The following UBE2Q2 variants were observed in gnomAD, a reference collection of about 807,000 sequenced individuals.
UBE2Q2 encodes ubiquitin conjugating enzyme E2 Q2, also known as ubiquitin-conjugating enzyme E2 Q2.
In UBE2Q2, 54 loss-of-function variants were observed where a neutral mutation model predicts 59.9. The observed-to-expected ratio is 0.90, with a 90% CI of 0.72 to 1.13. The LOEUF is 1.13. Among genes scored for constraint, UBE2Q2 ranks in the 50% most tolerant of loss-of-function variants. The probability of loss-of-function intolerance (pLI) is 0.00; values close to 1 mark genes in which losing one functional copy is unlikely to be tolerated. For synonymous variants in UBE2Q2, 165 were observed against 155.2 expected (o/e 1.06, Z -0.47); for missense variants, 433 against 441.9 (o/e 0.98, Z 0.18).
At chr15:75,882,356 T>C (rs1314839638) in intron 8 of UBE2Q2, among the ~76,000 whole-genome samples, 3 of 152,186 alleles carry the variant, frequency 2.0e-5, no homozygotes, top group Admixed American at 6.5e-5. Context: ...GAGGAACTTT[T>C]TATTTCTGTA....
At chr15:75,876,292 G>A (rs777880734) in intron 6 of UBE2Q2, 21 bp downstream of exon 6, 2 of 1,586,328 alleles carry the variant, frequency 1.3e-6, no homozygotes, top group South Asian at 1.1e-5. Context: ...CTGGATCCCT[G>A]CTCTCTTTAT....
intron 9 of UBE2Q2, among the ~76,000 whole-genome samples, chr15:75,885,613 T>C (rs1162698955): frequency 1.3e-5 from 2 of 152,246 alleles, no homozygotes; most frequent in African/African-American, 2.4e-5. Flanking sequence ...GCTGTTCTTT[T>C]GGAAATCTGG....
intron 3 of UBE2Q2, among the ~76,000 whole-genome samples, 182 bp from the exon 4 acceptor site, chr15:75,868,769 A>C (rs1360025017): frequency 4.6e-5 from 7 of 152,220 alleles, no homozygotes; most frequent in Non-Finnish European, 8.8e-5. Flanking sequence ...CATTTTTAAA[A>C]GCTGATAACT....
chr15:75,847,492 G>T (rs1237858739), intron 1 of UBE2Q2, among the ~76,000 whole-genome samples: 1 of 152,154 alleles, frequency 6.6e-6, no homozygotes, highest in Non-Finnish European at 1.5e-5. Flanking sequence ...GAAGGGAAAA[G>T]AGTGCTCTTT....
chr15:75,897,318 C>T (rs924144893), intron 12 of UBE2Q2, among the ~76,000 whole-genome samples: 5 of 151,892 alleles, frequency 3.3e-5, no homozygotes, highest in African/African-American at 1.2e-4. Context: ...AGCTCACTGC[C>T]AGCTCCGCCT....
intron 3 of UBE2Q2, 147 bp downstream of exon 3, chr15:75,860,129 T>A: frequency 3.0e-6 from 2 of 660,262 alleles, no homozygotes; most frequent in Non-Finnish European, 5.1e-6. Context: ...TTGTTCTGTT[T>A]TAGGTACTAA....
chr15:75,861,582 T>C (rs1035350413), intron 3 of UBE2Q2, among the ~76,000 whole-genome samples: 17 of 152,248 alleles, frequency 1.1e-4, no homozygotes, highest in African/African-American at 3.9e-4. Context: ...TTTTGAAGTG[T>C]CCGTTAATGG....
At chr15:75,869,034 A>T (rs1440955287) in intron 4 of UBE2Q2, 24 bp downstream of exon 4, 2 of 1,590,012 alleles carry the variant, frequency 1.3e-6, no homozygotes, top group South Asian at 2.2e-5. Flanking sequence ...ATAAAAGAAG[A>T]GTTCATAAAT....
intron 1 of UBE2Q2, among the ~76,000 whole-genome samples, chr15:75,845,077 C>T (rs571686339): frequency 1.3e-5 from 2 of 152,054 alleles, no homozygotes; most frequent in African/African-American, 2.4e-5. Context: ...CGTCCTCGCT[C>T]TCAGAACTCA....
intron 1 of UBE2Q2, chr15:75,844,637 C>T: frequency 2.5e-6 from 2 of 800,936 alleles, no homozygotes; most frequent in South Asian, 2.1e-5. Context: ...ACTCATTAAG[C>T]GGAAATCTCA....
chr15:75,878,580 G>T (rs1349208426), intron 7 of UBE2Q2, among the ~76,000 whole-genome samples: 1 of 108,888 alleles, frequency 9.2e-6, no homozygotes, highest in Non-Finnish European at 1.7e-5. Context: ...CTGGGCAACA[G>T]AATGAGGCAC....
At chr15:75,848,496 A>G (rs1309599543) in intron 1 of UBE2Q2, among the ~76,000 whole-genome samples, 1 of 152,184 alleles carries the variant, frequency 6.6e-6, no homozygotes, top group East Asian at 1.9e-4. Context: ...TTCCAGAAGA[A>G]TCATTGTTTT....
chr15:75,848,876 GAT>G (rs1237084758), intron 1 of UBE2Q2, among the ~76,000 whole-genome samples: 1 of 152,122 alleles, frequency 6.6e-6, no homozygotes, highest in Non-Finnish European at 1.5e-5. Context: ...GATTCTGAAA[GAT>G]AATCCCAACT....
At chr15:75,877,870 C>T (rs1595885398) in intron 6 of UBE2Q2, 91 bp from the exon 7 acceptor site, 1 of 1,169,428 alleles carries the variant, frequency 8.6e-7, no homozygotes, top group East Asian at 2.6e-5. Context: ...AAATTTCTAG[C>T]TTTCGTTGGC....
chr15:75,863,830 A>G (rs1285988282), intron 3 of UBE2Q2, among the ~76,000 whole-genome samples: 1 of 151,852 alleles, frequency 6.6e-6, no homozygotes, highest in Non-Finnish European at 1.5e-5. Context: ...TTTTTAGTAG[A>G]GGGGTTTCAC....
chr15:75,843,870 G>A (rs1472873275), intron 1 of UBE2Q2, 24 bp downstream of exon 1: 2 of 1,534,742 alleles, frequency 1.3e-6, no homozygotes, highest in Non-Finnish European at 1.8e-6. Flanking sequence ...CCGCGGCCCC[G>A]CGGGGCAGGG....
At chr15:75,886,061 T>C (rs919181604) in intron 9 of UBE2Q2, among the ~76,000 whole-genome samples, 2 of 152,184 alleles carry the variant, frequency 1.3e-5, no homozygotes, top group African/African-American at 4.8e-5. Flanking sequence ...CATAGTTTAA[T>C]GTTAAAATAT....
chr15:75,882,169 G>A (rs1203901174), intron 8 of UBE2Q2, among the ~76,000 whole-genome samples: 2 of 152,192 alleles, frequency 1.3e-5, no homozygotes, highest in African/African-American at 4.8e-5. Flanking sequence ...GAGCCATTTG[G>A]TGATGTAGTC....
At chr15:75,845,093 C>T (rs1433472333) in intron 1 of UBE2Q2, among the ~76,000 whole-genome samples, 4 of 151,948 alleles carry the variant, frequency 2.6e-5, no homozygotes, top group African/African-American at 9.7e-5. Context: ...ACTCAGTCTT[C>T]TTGGGGGAAG....
Sources: allele counts gnomAD v4.1 joint callset (sites outside exome capture counted in the v4.1 genomes callset), GRCh38; gene constraint gnomAD v4.1.1; transcripts MANE v1.5; gene names NCBI Gene and HGNC (gene_info 2026-07-23, HGNC 2026-07-21).